The following IZUMO2 variants were observed in gnomAD, a reference collection of about 807,000 sequenced individuals.
IZUMO2 encodes IZUMO family member 2.
In IZUMO2, 24 loss-of-function variants were observed where a neutral mutation model predicts 31.2. The observed-to-expected ratio is 0.77, with a 90% CI of 0.56 to 1.08. IZUMO2 has a LOEUF of 1.08. Among genes scored for constraint, IZUMO2 ranks in the 50% least tolerant of loss-of-function variants. The probability of loss-of-function intolerance (pLI) is 0.00; values close to 1 mark genes in which losing one functional copy is unlikely to be tolerated. For synonymous variants in IZUMO2, 144 were observed against 117.3 expected (o/e 1.23, Z -1.47); for missense variants, 278 against 274.0 (o/e 1.01, Z -0.10).
chr19:50,161,370 C>T (rs1187262108), intron 2 of IZUMO2, among the ~76,000 whole-genome samples: 1 of 151,960 alleles, frequency 6.6e-6, no homozygotes, highest in Non-Finnish European at 1.5e-5. Flanking sequence ...GACCCACCGT[C>T]CTCAGCCTCC....
At chr19:50,154,755 C>T (rs1172307811) in intron 5 of IZUMO2, 29 bp from the exon 6 acceptor site, 2 of 1,610,414 alleles carry the variant, frequency 1.2e-6, no homozygotes, top group African/African-American at 1.3e-5. Context: ...CAGCCCCGAC[C>T]TCCACGTCAC....
chr19:50,155,548 C>G (rs2030186495), intron 5 of IZUMO2, among the ~76,000 whole-genome samples: 1 of 152,234 alleles, frequency 6.6e-6, no homozygotes, highest in Admixed American at 6.5e-5. Context: ...GCGTCTTCCA[C>G]TTGCCTCCCA....
rs746737423 is a variant in IZUMO2, at chr19:50,162,962, C to T, written c.232+1G>A. 3 of 1,613,552 alleles carry T rather than the reference C, an allele frequency of 1.9e-6. No individual in the cohort carries two copies. The highest frequency in any genetic ancestry group is 1.3e-5 in the African/African-American group (1 of 75,026). On this transcript the variant is annotated splice_donor_variant, in intron 1 of 6. Transcript: ENST00000293405. LOFTEE classifies it high-confidence loss of function. The stretch of plus-strand genomic sequence containing the variant: ...GCTGCCCAATTTCTCCCAACACGCA[C>T]CCACTTTCCCCACAAACACGTTCAG...
chr19:50,159,519 T>C lies in IZUMO2; in HGVS notation c.369A>G (p.Lys123=), dbSNP rs1036052210. The change falls in exon 3 of 7, where the codon AAA becomes AAG. Residue 123 remains lysine, a synonymous_variant. Transcript: ENST00000293405. The part of the protein sequence containing the change: ...LRANVIKEFK[K]VLISYELKAC... The stretch of plus-strand genomic sequence containing the variant: ...CTTTTAATTCATATGAAATTAAAAC[T>C]TTCTTGAATTCCTTGATCACATTCG... 3.0e-5 allele frequency: 48 copies of C among 1,612,578 alleles called. No homozygotes were observed. The highest frequency in any genetic ancestry group is 3.6e-5 in the Non-Finnish European group (43 of 1,178,738).
chr19:50,155,353 G>A (rs1257792353), intron 5 of IZUMO2, among the ~76,000 whole-genome samples: 2 of 152,168 alleles, frequency 1.3e-5, no homozygotes, highest in Non-Finnish European at 2.9e-5. Flanking sequence ...AGCCGTGACT[G>A]TGCCACTGCA....
chr19:50,156,505 C>T (rs1473833077), intron 5 of IZUMO2, among the ~76,000 whole-genome samples: 2 of 151,980 alleles, frequency 1.3e-5, no homozygotes, highest in Non-Finnish European at 2.9e-5. Context: ...TATTTGTTGT[C>T]ACCAAATACC....
Position 50,154,591 on chromosome 19 carries a change from A to G in IZUMO2, c.623+9T>C. The G allele has an allele frequency of 2.5e-6, 4 of 1,613,802 alleles. No homozygotes were observed. Among genetic ancestry groups the G allele is most frequent in the Non-Finnish European group, 3.4e-6 (4 of 1,179,886 alleles). On this transcript the variant is annotated intron_variant, in intron 6 of 6. Transcript: ENST00000293405. Reference sequence around the variant, plus strand: ...ACGGGGGACTGAGGAGGGGGCAAGGATGACTCACGAGACCACGATGACCAC... The same window carrying G: ...ACGGGGGACTGAGGAGGGGGCAAGGGTGACTCACGAGACCACGATGACCAC...
In IZUMO2 at chr19:50,152,703, C is replaced by T. The variant is rs749824938; in HGVS notation, c.624-52G>A. Reference sequence around the variant, plus strand: ...TTAGAATGAGAATTTCAAGCTTTTCCAGATCAAGAGACCCATAACTTCCCT... The same window carrying T: ...TTAGAATGAGAATTTCAAGCTTTTCTAGATCAAGAGACCCATAACTTCCCT... On this transcript the variant is annotated intron_variant, in intron 6 of 6. Coordinates refer to ENST00000293405, the MANE Select transcript of IZUMO2 (RefSeq NM_152358.3). 4.0e-6 allele frequency: 6 copies of T among 1,489,864 alleles called. No individual in the cohort carries two copies. The East Asian group carries it at 1.4e-4, about 34-fold the overall frequency. The allele number at this position is 1,489,864 out of a possible 1,614,324, so 92.3% of individuals were successfully genotyped here.
rs367579131 is a variant in IZUMO2 at position 50,154,711 on chromosome 19, C to A, written c.512G>T (p.Arg171Leu). The A allele has an allele frequency of 6.2e-7, 1 of 1,613,576 alleles. No individual in the cohort carries two copies. Among genetic ancestry groups the A allele is most frequent in the African/African-American group, 1.3e-5 (1 of 74,892 alleles). Reference protein sequence around the residue: ...KKYCFVDRQPRVALQYQMDSK... With the variant: ...KKYCFVDRQPLVALQYQMDSK... ...GTCCATCTGGTACTGCAGGGCCACG[C>A]GGGGTTGCCGGTCGACTGGGGCGGG... The change falls in exon 6 of 7, where the codon CGC becomes CTC. Residue 171 changes from arginine (R) to leucine (L), a missense_variant. By Grantham distance (102) the Arg-to-Leu change is moderately radical. Transcript: ENST00000293405.
At chr19:50,159,182 G>A (rs1449948081) in intron 4 of IZUMO2, 48 bp downstream of exon 4, 2 of 1,592,806 alleles carry the variant, frequency 1.3e-6, no homozygotes, top group South Asian at 1.1e-5. Context: ...ACAGGGTGAA[G>A]GGGGTTAGGA....
At chr19:50,152,705 G>C (rs1012053094) in intron 6 of IZUMO2, 54 bp from the exon 7 acceptor site, 2 of 1,457,978 alleles carry the variant, frequency 1.4e-6, no homozygotes, top group Non-Finnish European at 1.9e-6. Flanking sequence ...AGCTTTTCCA[G>C]ATCAAGAGAC....
At position 50,163,179 on chromosome 19, in the gene IZUMO2, T is replaced by C. The variant is rs1600817247; in HGVS notation, c.16A>G (p.Thr6Ala). The C allele has an allele frequency of 6.4e-7, 1 of 1,551,658 alleles. No homozygotes were observed. MPLALTLLLLSGLGAP... is the reference protein window; with the variant it reads MPLALALLLLSGLGAP... ...CCCAAGCCCGAGAGCAGCAGAAGGGTCAAAGCCAGAGGCATGGCGGGGCCT... is the reference window on the plus strand; with the variant it reads ...CCCAAGCCCGAGAGCAGCAGAAGGGCCAAAGCCAGAGGCATGGCGGGGCCT... The change falls in exon 1 of 7, where the codon ACC becomes GCC. Residue 6 changes from threonine (T) to alanine (A), a missense_variant. Thr to Ala is a moderately conservative substitution (Grantham distance 58). Transcript: ENST00000293405.
At chr19:50,157,952 A>G (rs1345718142) in intron 5 of IZUMO2, among the ~76,000 whole-genome samples, 1 of 151,636 alleles carries the variant, frequency 6.6e-6, no homozygotes, top group Non-Finnish European at 1.5e-5. Context: ...AGATTTATGA[A>G]TGAATGAATG....
intron 2 of IZUMO2, among the ~76,000 whole-genome samples, chr19:50,161,080 C>T (rs2071488309): frequency 6.6e-6 from 1 of 151,902 alleles, no homozygotes; most frequent in Non-Finnish European, 1.5e-5. Flanking sequence ...TCTAATTGCT[C>T]AATTCAAAAT....
chr19:50,155,473 G>A (rs1266378305), intron 5 of IZUMO2, among the ~76,000 whole-genome samples: 1 of 152,234 alleles, frequency 6.6e-6, no homozygotes, highest in Non-Finnish European at 1.5e-5. Flanking sequence ...AGTTTCACAA[G>A]ATGAAAGTCT....
At chr19:50,155,528 G>A (rs1039291420) in intron 5 of IZUMO2, among the ~76,000 whole-genome samples, 2 of 152,232 alleles carry the variant, frequency 1.3e-5, no homozygotes, top group African/African-American at 4.8e-5. Context: ...GGCCTTGGGA[G>A]TTGCTTTCTG....
At chr19:50,159,915 T>G (rs2030340668) in intron 2 of IZUMO2, 1 of 170,678 alleles carries the variant, frequency 5.9e-6, no homozygotes, top group African/African-American at 2.4e-5. Flanking sequence ...TGGTGTGATC[T>G]CGGCTCACTG....
At position 50,163,113 on chromosome 19, in the gene IZUMO2, C is replaced by A; in HGVS notation, c.82G>T (p.Val28Leu). ...GWGCLQCDPL[V>L]LEALGHLRSA... ...CGCAGGTGACCCAGGGCCTCCAGCA[C>A]CAAGGGGTCGCACTGCAGGCAGCCC... The change falls in exon 1 of 7, where the codon GTG becomes TTG. Residue 28 changes from valine to leucine, a missense_variant. Val to Leu is a conservative substitution (Grantham distance 32, BLOSUM62 1). Transcript: ENST00000293405. 6.2e-7 allele frequency: 1 copy of A among 1,607,898 alleles called. No individual in the cohort carries two copies. The highest frequency in any genetic ancestry group is 8.5e-7 in the Non-Finnish European group (1 of 1,177,536).
At chr19:50,155,162 T>C (rs1166523799) in intron 5 of IZUMO2, among the ~76,000 whole-genome samples, 1 of 152,072 alleles carries the variant, frequency 6.6e-6, no homozygotes, top group Admixed American at 6.6e-5. Context: ...CCCAGTACTT[T>C]GGGAAGCTGA....
Sources: allele counts gnomAD v4.1 joint callset (sites outside exome capture counted in the v4.1 genomes callset), GRCh38; gene constraint gnomAD v4.1.1; transcripts MANE v1.5; gene names NCBI Gene and HGNC (gene_info 2026-07-23, HGNC 2026-07-21).